The following SPATA17 variants were observed in gnomAD, a reference collection of about 807,000 sequenced individuals.
SPATA17 encodes the protein spermatogenesis-associated protein 17.
Under a neutral mutation model 62.2 loss-of-function variants are expected in SPATA17, and 53 were observed. The ratio of observed to expected loss-of-function variants is 0.85; its 90% CI spans 0.68 to 1.07. SPATA17 has a LOEUF of 1.07. Ranked by LOEUF, SPATA17 falls within the 50% of genes least tolerant of loss-of-function variation. The probability of loss-of-function intolerance (pLI) is 0.00; values close to 1 mark genes in which losing one functional copy is unlikely to be tolerated. For missense variants in SPATA17, 466 were observed against 425.5 expected (o/e 1.10, Z -0.84); for synonymous variants, 146 against 146.8 (o/e 0.99, Z 0.04).
intron 6 of SPATA17, among the ~76,000 whole-genome samples, chr1:217,761,381 C>T (rs765798307): frequency 1.3e-5 from 2 of 152,190 alleles, no homozygotes; most frequent in Non-Finnish European, 2.9e-5. Flanking sequence ...CCTTGCCACA[C>T]CTTATACACC....
intron 4 of SPATA17, 25 bp downstream of exon 4, chr1:217,669,108 C>A (rs984235614): frequency 6.2e-7 from 1 of 1,602,542 alleles, no homozygotes; most frequent in Non-Finnish European, 8.5e-7. Context: ...ACTTGTTAAA[C>A]AAATGAAAAG....
intron 3 of SPATA17, among the ~76,000 whole-genome samples, chr1:217,658,078 G>A (rs1165225312): frequency 2.0e-5 from 3 of 152,156 alleles, no homozygotes; most frequent in Non-Finnish European, 4.4e-5. Flanking sequence ...CCCCACCCTT[G>A]ACACATGGGG....
At chr1:217,722,791 T>C (rs1672167186) in intron 5 of SPATA17, among the ~76,000 whole-genome samples, 1 of 152,220 alleles carries the variant, frequency 6.6e-6, no homozygotes, top group African/African-American at 2.4e-5. Flanking sequence ...TTTTAATCAC[T>C]ACCCCACTAT....
At chr1:217,820,531 A>G (rs957085120) in intron 9 of SPATA17, among the ~76,000 whole-genome samples, 1 of 151,772 alleles carries the variant, frequency 6.6e-6, no homozygotes, top group Non-Finnish European at 1.5e-5. Context: ...GCAAAAGGCT[A>G]CTAGATGAAT....
At chr1:217,805,700 A>G (rs1674415644) in intron 9 of SPATA17, among the ~76,000 whole-genome samples, 1 of 152,210 alleles carries the variant, frequency 6.6e-6, no homozygotes, top group Non-Finnish European at 1.5e-5. Flanking sequence ...GATGCTCTGC[A>G]TTATTAATCA....
At chr1:217,637,602 T>C (rs12137341) in intron 1 of SPATA17, among the ~76,000 whole-genome samples, 20,982 of 152,196 alleles carry the variant, frequency 0.14, 1,603 homozygotes, top group Non-Finnish European at 0.18. Flanking sequence ...GACTCTGACA[T>C]AGTAAATTGA....
intron 6 of SPATA17, among the ~76,000 whole-genome samples, chr1:217,765,336 T>C (rs1446204291): frequency 4.0e-5 from 6 of 151,756 alleles, no homozygotes; most frequent in Non-Finnish European, 8.8e-5. Context: ...CTATTCTTTT[T>C]TCAGTTTCCT....
intron 4 of SPATA17, among the ~76,000 whole-genome samples, chr1:217,677,338 AAT>A (rs1309028035): frequency 6.6e-6 from 1 of 152,032 alleles, no homozygotes; most frequent in African/African-American, 2.4e-5. Flanking sequence ...AAAATGATTA[AAT>A]ATGTGTCAGA....
intron 9 of SPATA17, among the ~76,000 whole-genome samples, chr1:217,859,965 A>T (rs997025571): frequency 2.6e-5 from 4 of 151,852 alleles, no homozygotes; most frequent in Non-Finnish European, 5.9e-5. Context: ...TGCTCTTTTT[A>T]ATATAGTTTT....
At chr1:217,845,922 A>G (rs139059898) in intron 9 of SPATA17, among the ~76,000 whole-genome samples, 1 of 152,224 alleles carries the variant, frequency 6.6e-6, no homozygotes, top group Non-Finnish European at 1.5e-5. Context: ...CCATGTGCTT[A>G]TTAAAGATGG....
intron 8 of SPATA17, among the ~76,000 whole-genome samples, chr1:217,794,115 C>CAAA (rs376080845): frequency 1.3e-4 from 7 of 54,674 alleles, no homozygotes; most frequent in South Asian, 6.3e-4. Context: ...GACTCCGTCA[C>CAAA]AAAAAAAAAA....
At chr1:217,646,829 G>C (rs1262675623) in intron 1 of SPATA17, among the ~76,000 whole-genome samples, 1 of 151,652 alleles carries the variant, frequency 6.6e-6, no homozygotes, top group East Asian at 1.9e-4. Context: ...GGGAGGCGGA[G>C]ATTGCAGTGA....
intron 9 of SPATA17, among the ~76,000 whole-genome samples, chr1:217,835,710 T>A (rs577859133): frequency 5.9e-5 from 9 of 152,090 alleles, no homozygotes; most frequent in African/African-American, 2.2e-4. Context: ...ACTACCAGGC[T>A]AGGAGCAGGA....
At position 217,701,221 on chromosome 1, in the gene SPATA17, G is replaced by A. The variant is rs542097789; in HGVS notation, c.395+17860G>A. 2.2e-3 allele frequency among the ~76,000 whole-genome samples: 332 copies of A among 151,400 alleles called. 1 individual carries two copies. The highest frequency in any genetic ancestry group is 0.01 in the Middle Eastern group (3 of 288). ...AACTCCTGACCTCAAGTGATTCGTT[G>A]CCTTGGCCTCCCAAAGTGCTGGGAT... On this transcript the variant is annotated intron_variant, in intron 5 of 10. Coordinates refer to ENST00000366933, the MANE Select transcript of SPATA17 (RefSeq NM_138796.4).
intron 8 of SPATA17, among the ~76,000 whole-genome samples, chr1:217,787,858 A>G (rs1172030185): frequency 6.6e-6 from 1 of 152,214 alleles, no homozygotes; most frequent in African/African-American, 2.4e-5. Context: ...TTATTAAAAT[A>G]AGACAGAATG....
At chr1:217,833,358 A>G (rs1315776355) in intron 9 of SPATA17, among the ~76,000 whole-genome samples, 1 of 152,214 alleles carries the variant, frequency 6.6e-6, no homozygotes, top group Non-Finnish European at 1.5e-5. Context: ...ATTGAAACTT[A>G]CATGTAAAAA....
chr1:217,746,616 T>G (rs149579706), intron 6 of SPATA17, among the ~76,000 whole-genome samples: 1 of 151,812 alleles, frequency 6.6e-6, no homozygotes, highest in African/African-American at 2.4e-5. Context: ...TATACTCATA[T>G]GCTGATTGCA....
intron 7 of SPATA17, 45 bp downstream of exon 7, chr1:217,774,582 G>C (rs1350398797): frequency 6.5e-7 from 1 of 1,543,246 alleles, no homozygotes; most frequent in East Asian, 2.3e-5. Flanking sequence ...TTTTATTCTT[G>C]CTATTTTTTG....
Position 217,795,525 on chromosome 1 carries a change from A to G in SPATA17, c.873-6193A>G, listed in dbSNP as rs578202186. 4.6e-5 allele frequency among the ~76,000 whole-genome samples: 7 copies of G among 151,660 alleles called. No homozygotes were observed. The South Asian group carries it at 1.5e-3, about 32-fold the overall frequency. ...GCTGGGACTGCATGTGCCCACCACT[A>G]CACCTGGCTAATTTTTGTATTTTTA... On this transcript the variant is annotated intron_variant, in intron 8 of 10. Coordinates refer to ENST00000366933, the MANE Select transcript of SPATA17 (RefSeq NM_138796.4).
Sources: allele counts gnomAD v4.1 joint callset (sites outside exome capture counted in the v4.1 genomes callset), GRCh38; gene constraint gnomAD v4.1.1; transcripts MANE v1.5; gene names NCBI Gene and HGNC (gene_info 2026-07-23, HGNC 2026-07-21).